NME7: variants seen among roughly 807,000 people sequenced by gnomAD.
The protein encoded by NME7 is NME/NM23 family member 7.
A neutral mutation model predicts 49.1 loss-of-function variants in NME7; 41 were observed. The ratio of observed to expected loss-of-function variants is 0.83; its 90% CI spans 0.65 to 1.08. The LOEUF (loss-of-function observed/expected upper bound fraction) is 1.08, where lower values mean the gene tolerates loss of function less well. NME7 is among the 50% of genes least tolerant of loss of function. The pLI is 0.00. For missense variants in NME7, 423 were observed against 463.4 expected, an observed-to-expected ratio of 0.91 and a Z score of 0.80; for synonymous variants, 139 against 150.6, an observed-to-expected ratio of 0.92 and a Z score of 0.56.
chr1:169,222,434 TA>T (rs1661173186), intron 10 of NME7, among the ~76,000 whole-genome samples: 1 of 152,150 alleles, frequency 6.6e-6, no homozygotes, highest in African/African-American at 2.4e-5. Flanking sequence ...TCCTGGAAAC[TA>T]AAATTCCAAA....
intron 1 of NME7, among the ~76,000 whole-genome samples, chr1:169,367,426 A>G (rs1327617267): frequency 6.6e-6 from 1 of 152,232 alleles, no homozygotes; most frequent in East Asian, 1.9e-4. Flanking sequence ...GAACAATGCA[A>G]ACACATAATG....
At chr1:169,166,235 G>C (rs1317142927) in intron 11 of NME7, among the ~76,000 whole-genome samples, 1 of 151,946 alleles carries the variant, frequency 6.6e-6, no homozygotes, top group East Asian at 1.9e-4. Flanking sequence ...CAAGCTATCA[G>C]AAAGTGAGGA....
At chr1:169,341,797 G>A (rs1187620708) in intron 1 of NME7, among the ~76,000 whole-genome samples, 2 of 152,126 alleles carry the variant, frequency 1.3e-5, no homozygotes, top group African/African-American at 4.8e-5. Flanking sequence ...CAAGTACCCT[G>A]CCAGGTTTTG....
chr1:169,165,100 A>AT (rs557953208), intron 11 of NME7, among the ~76,000 whole-genome samples: 1 of 143,010 alleles, frequency 7.0e-6, no homozygotes. Flanking sequence ...ATGTCTCATA[A>AT]ATACCATAAT....
intron 7 of NME7, chr1:169,287,006 T>C (rs1254417693): frequency 3.9e-6 from 1 of 254,750 alleles, no homozygotes; most frequent in African/African-American, 2.3e-5. Flanking sequence ...TCACAATTTG[T>C]GATTAGAAAG....
At chr1:169,245,479 C>T (rs997496033) in intron 7 of NME7, among the ~76,000 whole-genome samples, 5 of 152,062 alleles carry the variant, frequency 3.3e-5, no homozygotes, top group Middle Eastern at 3.4e-3. Context: ...GGAAATAAAA[C>T]GAAACGATTT....
intron 7 of NME7, among the ~76,000 whole-genome samples, chr1:169,248,506 A>G (rs1193861194): frequency 2.0e-5 from 3 of 151,602 alleles, no homozygotes; most frequent in Non-Finnish European, 4.4e-5. Flanking sequence ...ATTTATTTTT[A>G]TTTTAGTTGC....
At chr1:169,249,106 C>T (rs1378512408) in intron 7 of NME7, among the ~76,000 whole-genome samples, 1 of 152,040 alleles carries the variant, frequency 6.6e-6, no homozygotes, top group Non-Finnish European at 1.5e-5. Flanking sequence ...TTGATTATTC[C>T]AATCCATGAG....
At chr1:169,179,156 A>T (rs1046478636) in intron 10 of NME7, among the ~76,000 whole-genome samples, 3 of 152,180 alleles carry the variant, frequency 2.0e-5, no homozygotes, top group African/African-American at 7.2e-5. Flanking sequence ...TTATAAAAGT[A>T]CCATCAGAAA....
chr1:169,366,732 C>T (rs1025734774), intron 1 of NME7, among the ~76,000 whole-genome samples: 1 of 152,074 alleles, frequency 6.6e-6, no homozygotes, highest in African/African-American at 2.4e-5. Flanking sequence ...TATACTCCAT[C>T]ATGTTTAGAA....
intron 3 of NME7, among the ~76,000 whole-genome samples, chr1:169,315,274 T>C (rs1193362457): frequency 7.9e-6 from 1 of 126,786 alleles, no homozygotes; most frequent in Non-Finnish European, 1.8e-5. Flanking sequence ...TTTTTTTTTC[T>C]TTTTTTTTGA....
intron 10 of NME7, among the ~76,000 whole-genome samples, chr1:169,179,574 A>G (rs1659865815): frequency 6.6e-6 from 1 of 152,236 alleles, no homozygotes; most frequent in Admixed American, 6.5e-5. Flanking sequence ...CCCATCAATT[A>G]TAGACTGGAT....
intron 5 of NME7, among the ~76,000 whole-genome samples, chr1:169,302,861 C>A (rs1051285128): frequency 1.3e-5 from 2 of 152,106 alleles, no homozygotes; most frequent in Non-Finnish European, 2.9e-5. Flanking sequence ...ATTATCACTC[C>A]ATTTTTAATC....
intron 10 of NME7, among the ~76,000 whole-genome samples, chr1:169,226,589 C>A (rs894422157): frequency 3.3e-5 from 5 of 152,184 alleles, no homozygotes; most frequent in African/African-American, 9.7e-5. Flanking sequence ...CCTGGATCTC[C>A]ACTTAGAAAC....
Position 169,273,537 on chromosome 1 carries a change from T to C in NME7, c.754+13766A>G, listed in dbSNP as rs566429949. 1.2e-4 allele frequency among the ~76,000 whole-genome samples: 16 copies of C among 131,726 alleles called. 2 individuals carry two copies. The South Asian group carries it at 3.3e-3, about 27-fold the overall frequency. The allele number at this position is 131,726 out of a possible 152,430, so 86.4% of individuals were successfully genotyped here. On this transcript the variant is annotated intron_variant, in intron 7 of 11. Transcript: ENST00000367811. Reference sequence around the variant, plus strand: ...CAGGTTAGTTACATATGTATACATGTGCCATGCTGGTGTGCTGCACCCATT... The same window carrying C: ...CAGGTTAGTTACATATGTATACATGCGCCATGCTGGTGTGCTGCACCCATT...
chr1:169,247,502 A>G (rs565937485), intron 7 of NME7, among the ~76,000 whole-genome samples: 25 of 152,222 alleles, frequency 1.6e-4, no homozygotes, highest in African/African-American at 5.8e-4. Flanking sequence ...TTTTATTTCA[A>G]TAGTTTTTGG....
chr1:169,321,541 C>G (rs1411257465), intron 3 of NME7, among the ~76,000 whole-genome samples: 1 of 152,082 alleles, frequency 6.6e-6, no homozygotes, highest in Admixed American at 6.6e-5. Flanking sequence ...CATAAGATCT[C>G]ATAACATTAA....
At chr1:169,335,674 G>C (rs1331824747) in intron 1 of NME7, among the ~76,000 whole-genome samples, 1 of 146,350 alleles carries the variant, frequency 6.8e-6, no homozygotes, top group Non-Finnish European at 1.5e-5. Flanking sequence ...GATTTTTTTA[G>C]AAGAAATATA....
At chr1:169,261,917 T>C (rs1217015308) in intron 7 of NME7, among the ~76,000 whole-genome samples, 2 of 134,298 alleles carry the variant, frequency 1.5e-5, no homozygotes, top group East Asian at 2.0e-4. Flanking sequence ...AGTGTCACAA[T>C]ACTACTGGTT....
Sources: gnomAD v4.1 joint callset for allele counts (sites outside exome capture counted in the v4.1 genomes callset) on GRCh38, gnomAD v4.1.1 for gene constraint, MANE v1.5 for transcripts, NCBI Gene and HGNC (gene_info 2026-07-23, HGNC 2026-07-21) for gene names.